ROBO2: variants seen among roughly 807,000 people sequenced by gnomAD.
ROBO2 encodes the protein roundabout homolog 2.
In ROBO2, 53 loss-of-function variants were observed where a neutral mutation model predicts 160.8. The observed-to-expected ratio is 0.33, with a 90% CI of 0.26 to 0.41. The LOEUF (loss-of-function observed/expected upper bound fraction) is 0.41, where lower values mean the gene tolerates loss of function less well. Among genes scored for constraint, ROBO2 ranks in the 10% least tolerant of loss-of-function variants. ROBO2 has a pLI of 1.00. For missense variants in ROBO2, 1,577 were observed against 1,722.4 expected (o/e 0.92, Z 1.49); for synonymous variants, 664 against 611.7 (o/e 1.09, Z -1.26).
intron 2 of ROBO2, among the ~76,000 whole-genome samples, chr3:77,365,877 G>C (rs925139560): frequency 6.6e-5 from 10 of 152,154 alleles, no homozygotes; most frequent in African/African-American, 9.7e-5. Flanking sequence ...TTTCACTGAA[G>C]AGGAGAAAAA....
chr3:75,959,329 T>G (rs1948826712), intron 2 of ROBO2, among the ~76,000 whole-genome samples: 1 of 151,700 alleles, frequency 6.6e-6, no homozygotes, highest in Non-Finnish European at 1.5e-5. Context: ...TAATTATAAA[T>G]TAAACTATAA....
At chr3:77,324,338 T>A (rs937733048) in intron 2 of ROBO2, among the ~76,000 whole-genome samples, 3 of 152,310 alleles carry the variant, frequency 2.0e-5, no homozygotes, top group Non-Finnish European at 2.9e-5. Context: ...CCAACTGTGA[T>A]GAAAAACTGC....
intron 2 of ROBO2, among the ~76,000 whole-genome samples, chr3:76,623,258 C>G (rs895542119): frequency 2.0e-5 from 3 of 152,034 alleles, no homozygotes; most frequent in Non-Finnish European, 4.4e-5. Flanking sequence ...AACTTTTTTC[C>G]AGGTAGCTAA....
intron 2 of ROBO2, among the ~76,000 whole-genome samples, chr3:76,783,606 A>G (rs113662000): frequency 5.3e-5 from 8 of 150,600 alleles, no homozygotes; most frequent in African/African-American, 1.9e-4. Flanking sequence ...TAGTCTTATG[A>G]AGATTCCCTT....
intron 2 of ROBO2, among the ~76,000 whole-genome samples, chr3:77,346,617 T>C (rs918362523): frequency 1.3e-5 from 2 of 152,104 alleles, no homozygotes; most frequent in Non-Finnish European, 1.5e-5. Flanking sequence ...GTGTTGGCCT[T>C]TCTAGAAATT....
intron 2 of ROBO2, among the ~76,000 whole-genome samples, chr3:76,963,391 C>G (rs972057857): frequency 6.6e-6 from 1 of 152,118 alleles, no homozygotes; most frequent in African/African-American, 2.4e-5. Flanking sequence ...GCATGCAGAA[C>G]TACAATTGTG....
At chr3:77,200,322 T>TA (rs2082782226) in intron 2 of ROBO2, among the ~76,000 whole-genome samples, 182 of 63,768 alleles carry the variant, frequency 2.9e-3, no homozygotes, top group Non-Finnish European at 5.7e-3. Context: ...TATATATATA[T>TA]TTTAGTTTCT....
chr3:76,306,226 C>T (rs574208171), intron 2 of ROBO2, among the ~76,000 whole-genome samples: 2 of 152,122 alleles, frequency 1.3e-5, no homozygotes, highest in East Asian at 1.9e-4. Context: ...TTAAAAACAA[C>T]AACATATTGA....
At chr3:76,764,203 C>T (rs1031391907) in intron 2 of ROBO2, among the ~76,000 whole-genome samples, 2 of 151,576 alleles carry the variant, frequency 1.3e-5, no homozygotes, top group African/African-American at 4.8e-5. Flanking sequence ...TATGTAAATG[C>T]AAATACTGAA....
Position 76,092,426 on chromosome 3 carries a change from C to A in ROBO2, c.109+154824C>A, listed in dbSNP as rs558214767. On this transcript the variant is annotated intron_variant, in intron 2 of 26. Transcript: ENST00000487694. The stretch of plus-strand genomic sequence containing the variant: ...CCAATCATCAAGGAGTCTGGTATGT[C>A]ATTTTCTCTTCAATAGCTGTGTGAT... Among the ~76,000 whole-genome samples, 11 of 152,230 alleles carry A rather than the reference C, an allele frequency of 7.2e-5. No homozygotes were observed. In the South Asian group the frequency reaches 2.3e-3, roughly 32 times the overall value.
chr3:76,873,019 A>T (rs2148691070), intron 2 of ROBO2, among the ~76,000 whole-genome samples: 1 of 152,296 alleles, frequency 6.6e-6, no homozygotes. Flanking sequence ...TGGTATTTTA[A>T]ATATATTTTA....
chr3:76,064,460 A>C (rs1162841415), intron 2 of ROBO2, among the ~76,000 whole-genome samples: 3 of 152,100 alleles, frequency 2.0e-5, no homozygotes, highest in Non-Finnish European at 4.4e-5. Flanking sequence ...GGGCCAAGCT[A>C]CTAGGTAGTT....
intron 5 of ROBO2, among the ~76,000 whole-genome samples, chr3:77,518,337 T>C (rs2090236665): frequency 6.6e-6 from 1 of 151,468 alleles, no homozygotes; most frequent in Non-Finnish European, 1.5e-5. Flanking sequence ...TTCAAAGTAT[T>C]CTGATATAAA....
chr3:76,768,483 T>A (rs2061693201), intron 2 of ROBO2, among the ~76,000 whole-genome samples: 1 of 151,446 alleles, frequency 6.6e-6, no homozygotes, highest in Admixed American at 6.6e-5. Context: ...GTTCTAGAAG[T>A]ATTTATTAGA....
intron 2 of ROBO2, among the ~76,000 whole-genome samples, chr3:77,025,397 A>T (rs558932710): frequency 2.3e-4 from 35 of 152,208 alleles, no homozygotes; most frequent in Non-Finnish European, 4.0e-4. Context: ...ATTTTGTGGA[A>T]GCTTTCCAGT....
At chr3:75,945,422 G>A (rs1422776900) in intron 2 of ROBO2, among the ~76,000 whole-genome samples, 3 of 152,218 alleles carry the variant, frequency 2.0e-5, no homozygotes, top group East Asian at 1.9e-4. Context: ...GAATAGAGGC[G>A]AAGAAGTAGG....
intron 19 of ROBO2, among the ~76,000 whole-genome samples, chr3:77,597,237 C>T (rs1318759928): frequency 1.3e-5 from 2 of 151,750 alleles, no homozygotes; most frequent in Non-Finnish European, 2.9e-5. Flanking sequence ...ACAATTAAGT[C>T]AATATAACAT....
At chr3:77,008,657 C>T (rs548554618) in intron 2 of ROBO2, among the ~76,000 whole-genome samples, 1 of 152,258 alleles carries the variant, frequency 6.6e-6, no homozygotes, top group South Asian at 2.1e-4. Context: ...GTAGATAACA[C>T]ACAGGGTAGC....
chr3:77,104,610 G>A lies in ROBO2; in HGVS notation c.388+6270G>A, dbSNP rs1014002323. On this transcript the variant is annotated intron_variant, in intron 2 of 25. Coordinates refer to ENST00000461745, the Ensembl canonical transcript of ROBO2. ...GTTTATGCCTAAGAGTAGAATTGTC[G>A]AGTCATATGGTAACTGTTTAACTTT... Among the ~76,000 whole-genome samples, 5 of 151,994 alleles carry A rather than the reference G, an allele frequency of 3.3e-5. No individual in the cohort carries two copies. The South Asian group carries it at 6.2e-4, about 19-fold the overall frequency.
Sources: allele counts gnomAD v4.1 joint callset (sites outside exome capture counted in the v4.1 genomes callset), GRCh38; gene constraint gnomAD v4.1.1; transcripts MANE v1.5; gene names NCBI Gene and HGNC (gene_info 2026-07-23, HGNC 2026-07-21).